GPC5: variants seen among roughly 807,000 people sequenced by gnomAD.
The protein encoded by GPC5 is glypican-5.
A neutral mutation model predicts 53.9 loss-of-function variants in GPC5; 47 were observed. The ratio of observed to expected loss-of-function variants is 0.87; its 90% CI spans 0.69 to 1.11. GPC5 has a LOEUF of 1.11. GPC5 is among the 50% of genes most tolerant of loss of function. The pLI, the probability that GPC5 is intolerant of heterozygous loss-of-function variation, is 0.00. For missense variants in GPC5, 748 were observed against 713.1 expected, an observed-to-expected ratio of 1.05 and a Z score of -0.56; for synonymous variants, 286 against 263.3, an observed-to-expected ratio of 1.09 and a Z score of -0.84.
At chr13:92,078,058 T>A (rs562659423) in intron 6 of GPC5, among the ~76,000 whole-genome samples, 1 of 152,238 alleles carries the variant, frequency 6.6e-6, no homozygotes, top group South Asian at 2.1e-4. Context: ...ATTGTACACA[T>A]ACACATGTGT....
chr13:92,205,988 G>A (rs1459520940), intron 7 of GPC5, among the ~76,000 whole-genome samples: 2 of 140,848 alleles, frequency 1.4e-5, no homozygotes, highest in African/African-American at 5.3e-5. Flanking sequence ...GTTGCAGTGA[G>A]CAGAGATCGC....
intron 6 of GPC5, among the ~76,000 whole-genome samples, chr13:92,130,296 C>A (rs1158329340): frequency 6.6e-6 from 1 of 151,692 alleles, no homozygotes; most frequent in Admixed American, 6.6e-5. Context: ...AAAAAATTAT[C>A]CCAGCTAGAA....
At chr13:91,420,673 T>C (rs1376859167) in intron 1 of GPC5, among the ~76,000 whole-genome samples, 1 of 152,182 alleles carries the variant, frequency 6.6e-6, no homozygotes, top group Non-Finnish European at 1.5e-5. Flanking sequence ...TTAATCCCCA[T>C]GTGCAAAGGG....
rs1566446337 is a variant in GPC5, at chr13:92,125,923, G to GTTTTTTTTTTTTTTT, written c.1402-18907_1402-18906insTTTTTTTTTTTTTTT. Among the ~76,000 whole-genome samples, 2 of 41,536 alleles carry GTTTTTTTTTTTTTTT rather than the reference G, an allele frequency of 4.8e-5. 1 individual carries two copies. Among genetic ancestry groups the GTTTTTTTTTTTTTTT allele is most frequent in the Non-Finnish European group, 9.9e-5 (2 of 20,260 alleles). The allele number at this position is 41,536 out of a possible 152,430, so 27.2% of individuals were successfully genotyped here. A position where few individuals can be genotyped will look rare whatever the true frequency, so the allele number is the denominator to read the frequency against. ...ATTAGAAAGGAAACATTTGTTTTTT[G>GTTTTTTTTTTTTTTT]GTTTTTTTTTTTTTTTTTTTTTTTT... On this transcript the variant is annotated intron_variant, in intron 6 of 7. Transcript: ENST00000377067.
At chr13:92,840,078 C>T (rs867561574) in intron 7 of GPC5, among the ~76,000 whole-genome samples, 6 of 99,016 alleles carry the variant, frequency 6.1e-5, no homozygotes, top group Admixed American at 2.2e-4. Context: ...TATATACATA[C>T]ATATATATAT....
chr13:92,787,679 A>AAAAAAAAG (rs1566418556), intron 7 of GPC5, among the ~76,000 whole-genome samples: 5 of 148,922 alleles, frequency 3.4e-5, no homozygotes, highest in African/African-American at 7.5e-5. Context: ...AAAAAAAAAA[A>AAAAAAAAG]AAAAGAAAAG....
At chr13:92,221,427 T>G (rs896733081) in intron 7 of GPC5, among the ~76,000 whole-genome samples, 4 of 152,124 alleles carry the variant, frequency 2.6e-5, no homozygotes, top group Non-Finnish European at 2.9e-5. Context: ...GTTGTTAAAT[T>G]TATTAGTTTG....
intron 5 of GPC5, among the ~76,000 whole-genome samples, chr13:91,783,791 C>T (rs939665607): frequency 2.0e-5 from 3 of 152,204 alleles, no homozygotes; most frequent in African/African-American, 7.2e-5. Context: ...TTCAGAAAAT[C>T]ATTGAAGTAT....
At chr13:91,617,373 G>A (rs538915197) in intron 2 of GPC5, among the ~76,000 whole-genome samples, 10 of 152,202 alleles carry the variant, frequency 6.6e-5, no homozygotes, top group South Asian at 2.1e-4. Context: ...AAGTGACCAC[G>A]GGAGTCTGGG....
In GPC5 at chr13:92,550,706, T is replaced by C. The variant is rs566795607; in HGVS notation, c.1562-315576T>C. Among the ~76,000 whole-genome samples, 3 of 152,026 alleles carry C rather than the reference T, an allele frequency of 2.0e-5. No homozygotes were observed. In the South Asian group the frequency reaches 6.2e-4, roughly 31 times the overall value. On this transcript the variant is annotated intron_variant, in intron 7 of 7. Coordinates refer to ENST00000377067, the MANE Select transcript of GPC5 (RefSeq NM_004466.6). ...AAGGTACACTGAAGATTTATGCAAT[T>C]CTTTTTTATGTAAAAACTACTTGAT...
intron 5 of GPC5, among the ~76,000 whole-genome samples, chr13:91,863,801 C>A (rs568535756): frequency 2.6e-5 from 4 of 152,046 alleles, no homozygotes; most frequent in African/African-American, 7.2e-5. Context: ...GGACACAAAC[C>A]CAGCCTGGAC....
chr13:92,306,846 T>C (rs2043114107), intron 7 of GPC5, among the ~76,000 whole-genome samples: 1 of 152,158 alleles, frequency 6.6e-6, no homozygotes, highest in African/African-American at 2.4e-5. Flanking sequence ...AGTTGGCAAA[T>C]TACGTTGCAT....
chr13:92,229,334 A>AT (rs1422821698), intron 7 of GPC5, among the ~76,000 whole-genome samples: 1 of 152,110 alleles, frequency 6.6e-6, no homozygotes, highest in African/African-American at 2.4e-5. Context: ...ACTTTATCTT[A>AT]TTTTTAATCT....
intron 7 of GPC5, among the ~76,000 whole-genome samples, chr13:92,313,799 G>T (rs944638504): frequency 1.3e-5 from 2 of 152,118 alleles, no homozygotes; most frequent in African/African-American, 4.8e-5. Flanking sequence ...GCCCAGGAAG[G>T]GGTCCTGTTT....
At chr13:92,408,629 GACACACACAC>G (rs35366487) in intron 7 of GPC5, among the ~76,000 whole-genome samples, 18 of 148,006 alleles carry the variant, frequency 1.2e-4, no homozygotes, top group East Asian at 6.3e-4. Flanking sequence ...TATATATATA[GACACACACAC>G]ACACACACAC....
chr13:91,800,047 C>G (rs373728850), intron 5 of GPC5, among the ~76,000 whole-genome samples: 8 of 151,930 alleles, frequency 5.3e-5, no homozygotes, highest in African/African-American at 1.9e-4. Flanking sequence ...TAAGATCCTT[C>G]CACAATATTC....
intron 2 of GPC5, among the ~76,000 whole-genome samples, chr13:91,652,851 C>T (rs981479115): frequency 1.3e-5 from 2 of 152,114 alleles, no homozygotes; most frequent in African/African-American, 4.8e-5. Flanking sequence ...TGATCGTTTA[C>T]TTTAGGAATA....
chr13:91,417,392 C>T (rs1878312997), intron 1 of GPC5, among the ~76,000 whole-genome samples: 1 of 152,104 alleles, frequency 6.6e-6, no homozygotes, highest in South Asian at 2.1e-4. Flanking sequence ...CTCGAGATAA[C>T]ACAAATACAG....
intron 7 of GPC5, among the ~76,000 whole-genome samples, chr13:92,566,506 G>A (rs1387155759): frequency 2.6e-5 from 4 of 152,076 alleles, no homozygotes; most frequent in Middle Eastern, 3.2e-3. Flanking sequence ...CAAGGGAGTT[G>A]AAAGTTTCAA....
Sources: gnomAD v4.1 joint callset for allele counts (sites outside exome capture counted in the v4.1 genomes callset) on GRCh38, gnomAD v4.1.1 for gene constraint, MANE v1.5 for transcripts, NCBI Gene and HGNC (gene_info 2026-07-23, HGNC 2026-07-21) for gene names.